The following JARID2 variants were observed in gnomAD, a reference collection of about 807,000 sequenced individuals.
JARID2 encodes the protein protein Jumonji.
Under a neutral mutation model 125.6 loss-of-function variants are expected in JARID2, and 21 were observed. That is an observed-to-expected ratio of 0.17 (90% confidence interval 0.12 to 0.24). The LOEUF (loss-of-function observed/expected upper bound fraction) is 0.24, where lower values mean the gene tolerates loss of function less well. Ranked by LOEUF, JARID2 falls within the 10% of genes least tolerant of loss-of-function variation. The probability of loss-of-function intolerance (pLI) is 1.00; values close to 1 mark genes in which losing one functional copy is unlikely to be tolerated. For missense variants in JARID2, 1,303 were observed against 1,639.6 expected, an observed-to-expected ratio of 0.79 and a Z score of 3.55; for synonymous variants, 736 against 661.6, an observed-to-expected ratio of 1.11 and a Z score of -1.73.
intron 5 of JARID2, among the ~76,000 whole-genome samples, chr6:15,475,075 C>A (rs558270259): frequency 2.0e-5 from 3 of 152,282 alleles, no homozygotes; most frequent in African/African-American, 7.2e-5. Flanking sequence ...GCAACAGTTC[C>A]CATGGCAGCT....
Position 15,500,978 on chromosome 6 carries a change from G to T in JARID2, c.2017G>T (p.Asp673Tyr). The change falls in exon 8 of 18, where the codon GAC becomes TAC. Residue 673 changes from aspartate to tyrosine, a missense_variant. Around this residue, in one of 11 missense-constraint regions of JARID2, gnomAD observed 64 missense variants for 166.8 expected, o/e 0.38. Coordinates refer to ENST00000341776, the MANE Select transcript of JARID2 (RefSeq NM_004973.4). Reference protein sequence around the residue: ...NEMGGMQQVTDLKKWNKLADM... With the variant: ...NEMGGMQQVTYLKKWNKLADM... ...GATGGGCGGCATGCAGCAAGTGACT[G>T]ACCTCAAAAAATGGAACAAACTAGC... The T allele has an allele frequency of 6.2e-7, 1 of 1,614,040 alleles. No individual in the cohort carries two copies. Among genetic ancestry groups the T allele is most frequent in the Non-Finnish European group, 8.5e-7 (1 of 1,179,920 alleles).
At chr6:15,412,998 T>C (rs1323896702) in intron 3 of JARID2, among the ~76,000 whole-genome samples, 10 of 115,434 alleles carry the variant, frequency 8.7e-5, no homozygotes, top group African/African-American at 3.5e-4. Context: ...TGGGAAGAGC[T>C]TGTGTTTTTG....
chr6:15,430,024 A>G (rs1425715233), intron 3 of JARID2, among the ~76,000 whole-genome samples: 3 of 152,206 alleles, frequency 2.0e-5, no homozygotes, highest in Non-Finnish European at 4.4e-5. Flanking sequence ...AAGAGAAGGC[A>G]AAATTCCATC....
chr6:15,518,644 C>T lies in JARID2; in HGVS notation c.3558+1376C>T, dbSNP rs545378342. ...TTACAGGTGCCCGCCACTACGCACCCGGCTAATTTTTCTTTTTAGTAGAGA... is the reference window on the plus strand; with the variant it reads ...TTACAGGTGCCCGCCACTACGCACCTGGCTAATTTTTCTTTTTAGTAGAGA... On this transcript the variant is annotated intron_variant, in intron 17 of 17. Coordinates refer to ENST00000341776, the MANE Select transcript of JARID2 (RefSeq NM_004973.4). Among the ~76,000 whole-genome samples, 153 of 152,214 alleles carry T rather than the reference C, an allele frequency of 1.0e-3. No individual in the cohort carries two copies. The Middle Eastern group carries it at 0.01, about 10-fold the overall frequency.
rs572748047 is a variant in JARID2, at chr6:15,283,207, C to T, written c.45+36623C>T. On this transcript the variant is annotated intron_variant, in intron 1 of 17. Coordinates refer to ENST00000341776, the MANE Select transcript of JARID2 (RefSeq NM_004973.4). ...GTTAGCCAGGACGGTCTCGATCTGC[C>T]GACCTTGTGATCTGCCCACCTTGGC... Among the ~76,000 whole-genome samples the T allele has an allele frequency of 7.9e-4, 117 of 147,336 alleles. 3 individuals are homozygous for T. The highest frequency in any genetic ancestry group is 3.6e-3 in the East Asian group (17 of 4,762).
intron 1 of JARID2, among the ~76,000 whole-genome samples, chr6:15,300,718 TGTGTGAGAGAGAGA>T (rs1482785439): frequency 0.018 from 2,458 of 140,452 alleles, 75 homozygotes; most frequent in African/African-American, 0.064. Context: ...TGTGTGTGTG[TGTGTGAGAGAGAGA>T]GAGAGAGAGA....
intron 1 of JARID2, among the ~76,000 whole-genome samples, chr6:15,276,376 T>G (rs1760520822): frequency 6.6e-6 from 1 of 152,196 alleles, no homozygotes; most frequent in Non-Finnish European, 1.5e-5. Context: ...CCTGGAGAGA[T>G]AAAGTATATT....
In JARID2 at chr6:15,489,645, C is replaced by T. The variant is rs73367323; in HGVS notation, c.906+2103C>T. ...GGATGGCCCTGCCTGCCCCCATGCT[C>T]CATGGCGTGTTCGTGTGACCTGTTC... is the stretch of plus-strand genomic sequence containing the variant. On this transcript the variant is annotated intron_variant, in intron 6 of 17. Coordinates refer to ENST00000341776, the MANE Select transcript of JARID2 (RefSeq NM_004973.4). 3.8e-3 allele frequency among the ~76,000 whole-genome samples: 585 copies of T among 152,382 alleles called. 4 individuals carry two copies. The highest frequency in any genetic ancestry group is 0.013 in the African/African-American group (561 of 41,592).
At chr6:15,443,386 T>C (rs890697977) in intron 3 of JARID2, among the ~76,000 whole-genome samples, 69 of 152,330 alleles carry the variant, frequency 4.5e-4, no homozygotes, top group African/African-American at 1.4e-3. Flanking sequence ...AGATTACAGA[T>C]TGTATTGCTA....
At chr6:15,331,924 T>C (rs1030181771) in intron 1 of JARID2, among the ~76,000 whole-genome samples, 2 of 152,064 alleles carry the variant, frequency 1.3e-5, no homozygotes, top group African/African-American at 4.8e-5. Flanking sequence ...AATTCATAAG[T>C]TAAAAAAAAA....
intron 1 of JARID2, among the ~76,000 whole-genome samples, chr6:15,271,705 A>T (rs1760302431): frequency 6.6e-6 from 1 of 152,090 alleles, no homozygotes; most frequent in Non-Finnish European, 1.5e-5. Context: ...AGATGTTTAA[A>T]AACAGTGATG....
chr6:15,278,969 C>G (rs1234268465), intron 1 of JARID2, among the ~76,000 whole-genome samples: 1 of 151,722 alleles, frequency 6.6e-6, no homozygotes, highest in African/African-American at 2.4e-5. Context: ...GAGGTTGAGG[C>G]ATGAGAATCT....
chr6:15,459,914 A>ATGGG (rs1396823376), intron 4 of JARID2, among the ~76,000 whole-genome samples: 1 of 152,240 alleles, frequency 6.6e-6, no homozygotes, highest in East Asian at 1.9e-4. Context: ...CTTGAGCAAA[A>ATGGG]TGGGAATACT....
At chr6:15,487,666 GGACA>G in intron 6 of JARID2, 124 bp downstream of exon 6, 1 of 849,590 alleles carries the variant, frequency 1.2e-6, no homozygotes, top group Non-Finnish European at 1.8e-6. Flanking sequence ...AGCAAGACAG[GGACA>G]GACAGAGCGC....
rs142358716 is a variant in JARID2, at chr6:15,496,432, G to A, written c.1207G>A (p.Ala403Thr). ...GGGGGCGTCCAAGTCCACTGGGCCC[G>A]CCGTCAATGGCCTCAAGGTCAGTGG... ...LGGASKSTGP[A>T]VNGLKVSGRL... Residue 403 changes from alanine to threonine, a missense_variant, in exon 7 of 18, where the codon GCC becomes ACC. Physicochemically the swap from Ala to Thr is moderately conservative, Grantham distance 58. This residue lies in a region of JARID2 where 651 missense variants were observed against 581.6 expected (regional missense o/e 1.12). Transcript: ENST00000341776. 7.1e-5 allele frequency: 115 copies of A among 1,613,772 alleles called. No individual in the cohort carries two copies. Among genetic ancestry groups the A allele is most frequent in the African/African-American group, 6.1e-4 (46 of 75,068 alleles).
In JARID2 at chr6:15,422,183, A is replaced by G. The variant is rs140312598; in HGVS notation, c.323+11818A>G. ...AGCTCAGCTGACTGTTGTTTCAGGT[A>G]GCTGCTGCAAGTAGATCTGTGATTA... On this transcript the variant is annotated intron_variant, in intron 3 of 17. Coordinates refer to ENST00000341776, the MANE Select transcript of JARID2 (RefSeq NM_004973.4). Among the ~76,000 whole-genome samples the G allele has an allele frequency of 1.6e-4, 25 of 152,282 alleles. No individual in the cohort carries two copies. In the East Asian group the frequency reaches 4.8e-3, roughly 29 times the overall value.
At chr6:15,366,061 C>T (rs1302512738) in intron 1 of JARID2, among the ~76,000 whole-genome samples, 1 of 152,162 alleles carries the variant, frequency 6.6e-6, no homozygotes, top group African/African-American at 2.4e-5. Flanking sequence ...TTTGTTTACA[C>T]TTAATCTGTG....
At chr6:15,376,000 A>C (rs1009327166) in intron 2 of JARID2, among the ~76,000 whole-genome samples, 1 of 152,230 alleles carries the variant, frequency 6.6e-6, no homozygotes, top group African/African-American at 2.4e-5. Context: ...CAAAAACTAA[A>C]GTTTGTCATT....
At chr6:15,282,223 G>T (rs1049497525) in intron 1 of JARID2, among the ~76,000 whole-genome samples, 1 of 152,004 alleles carries the variant, frequency 6.6e-6, no homozygotes, top group Non-Finnish European at 1.5e-5. Context: ...GATTACAGGC[G>T]TGAGCCACAG....
Sources: allele counts gnomAD v4.1 joint callset (sites outside exome capture counted in the v4.1 genomes callset), GRCh38; gene constraint gnomAD v4.1.1; regional missense constraint gnomAD v4.1.1; transcripts MANE v1.5; gene names NCBI Gene and HGNC (gene_info 2026-07-23, HGNC 2026-07-21).